The following CDK19 variants were observed in gnomAD, a reference collection of about 807,000 sequenced individuals.
CDK19 encodes the protein cyclin-dependent kinase 19.
CDK19 carries 20 observed loss-of-function variants against 68.3 expected under a neutral mutation model. The observed-to-expected ratio is 0.29, with a 90% CI of 0.21 to 0.43. The LOEUF (loss-of-function observed/expected upper bound fraction) is 0.43, where lower values mean the gene tolerates loss of function less well. Among genes scored for constraint, CDK19 ranks in the 20% least tolerant of loss-of-function variants. The pLI, the probability that CDK19 is intolerant of heterozygous loss-of-function variation, is 1.00. For missense variants in CDK19, 339 were observed against 623.5 expected, an observed-to-expected ratio of 0.54 and a Z score of 4.86; for synonymous variants, 221 against 222.8, an observed-to-expected ratio of 0.99 and a Z score of 0.07.
At chr6:110,632,878 T>C (rs1165415693) in intron 5 of CDK19, among the ~76,000 whole-genome samples, 1 of 152,166 alleles carries the variant, frequency 6.6e-6, no homozygotes, top group African/African-American at 2.4e-5. Context: ...TCTAAAATAG[T>C]TCAAAAGTAT....
chr6:110,663,600 T>C (rs1368934773), intron 4 of CDK19, among the ~76,000 whole-genome samples: 1 of 152,202 alleles, frequency 6.6e-6, no homozygotes, highest in African/African-American at 2.4e-5. Flanking sequence ...GGCACAATCG[T>C]GGCTCACTGC....
At chr6:110,655,505 T>C (rs1781256386) in intron 4 of CDK19, among the ~76,000 whole-genome samples, 1 of 152,176 alleles carries the variant, frequency 6.6e-6, no homozygotes, top group African/African-American at 2.4e-5. Flanking sequence ...AAACTCAACT[T>C]GTCCAAACTA....
At chr6:110,692,664 G>T (rs1460982990) in intron 2 of CDK19, among the ~76,000 whole-genome samples, 2 of 152,110 alleles carry the variant, frequency 1.3e-5, no homozygotes. Context: ...TTGCAAAAAG[G>T]TCATCATAAA....
At chr6:110,798,917 C>G (rs954714522) in intron 1 of CDK19, among the ~76,000 whole-genome samples, 1 of 151,438 alleles carries the variant, frequency 6.6e-6, no homozygotes, top group Non-Finnish European at 1.5e-5. Context: ...CTCAGGCAGG[C>G]AGATCACCTG....
intron 2 of CDK19, among the ~76,000 whole-genome samples, chr6:110,687,236 G>A (rs1438745031): frequency 6.6e-6 from 1 of 152,040 alleles, no homozygotes; most frequent in East Asian, 1.9e-4. Flanking sequence ...CACTTTTCAG[G>A]ACATTGGGCA....
chr6:110,775,564 A>G (rs987008715), intron 1 of CDK19, among the ~76,000 whole-genome samples: 1 of 152,190 alleles, frequency 6.6e-6, no homozygotes. Context: ...AAAAATAATC[A>G]TGAAATATGA....
At chr6:110,633,168 G>A (rs533780051) in intron 5 of CDK19, among the ~76,000 whole-genome samples, 27 of 152,080 alleles carry the variant, frequency 1.8e-4, no homozygotes, top group Admixed American at 9.2e-4. Flanking sequence ...GCAGTGAGCC[G>A]AGTTCGTGCC....
At chr6:110,762,019 A>G (rs936161626) in intron 1 of CDK19, among the ~76,000 whole-genome samples, 2 of 152,146 alleles carry the variant, frequency 1.3e-5, no homozygotes, top group Admixed American at 1.3e-4. Context: ...TGCTAATCCA[A>G]TGGAAAAAGA....
At chr6:110,704,625 G>A (rs187205281) in intron 2 of CDK19, among the ~76,000 whole-genome samples, 14 of 151,900 alleles carry the variant, frequency 9.2e-5, no homozygotes, top group African/African-American at 3.1e-4. Context: ...TTAACTATTT[G>A]GTAAAGTGTA....
chr6:110,665,653 T>A (rs1023462491), intron 4 of CDK19, among the ~76,000 whole-genome samples: 20 of 152,238 alleles, frequency 1.3e-4, no homozygotes, highest in African/African-American at 4.8e-4. Context: ...ATAACCTGCA[T>A]AAGTTTCATT....
At chr6:110,708,159 G>A (rs1426659826) in intron 2 of CDK19, among the ~76,000 whole-genome samples, 3 of 152,148 alleles carry the variant, frequency 2.0e-5, no homozygotes, top group Non-Finnish European at 4.4e-5. Context: ...CATTTCAAGT[G>A]TTCAAAAGCC....
At position 110,815,241 on chromosome 6, in the gene CDK19, TCGCGCGCGCG is replaced by T. The variant is rs769553849; in HGVS notation, c.-115_-106del. On this transcript the variant is annotated 5_prime_UTR_variant, in exon 1 of 13. Coordinates refer to ENST00000368911, the MANE Select transcript of CDK19 (RefSeq NM_015076.5). ...GCTCCACTTCTCCAACAGCCGCCTCTCGCGCGCGCGCGCGCGCCGCCCGCCGCCCGCCGCT... is the reference window on the plus strand; with the variant it reads ...GCTCCACTTCTCCAACAGCCGCCTCTCGCGCGCCGCCCGCCGCCCGCCGCT... 3.5e-6 allele frequency: 4 copies of T among 1,130,314 alleles called. No individual in the cohort carries two copies. The highest frequency in any genetic ancestry group is 1.1e-6 in the Non-Finnish European group (1 of 901,400). The allele number at this position is 1,130,314 out of a possible 1,614,324, so 70.0% of individuals were successfully genotyped here. A position where few individuals can be genotyped will look rare whatever the true frequency, so the allele number is the denominator to read the frequency against.
chr6:110,662,008 T>A (rs1201061484), intron 4 of CDK19, among the ~76,000 whole-genome samples: 2 of 152,140 alleles, frequency 1.3e-5, no homozygotes, highest in Admixed American at 6.5e-5. Flanking sequence ...CTCGCTCTAT[T>A]GCCTAGGCTG....
chr6:110,660,130 C>G (rs964774705), intron 4 of CDK19, among the ~76,000 whole-genome samples: 3 of 152,158 alleles, frequency 2.0e-5, no homozygotes, highest in African/African-American at 7.2e-5. Flanking sequence ...TCACAGCTAG[C>G]CCCAAATATC....
At chr6:110,681,947 A>C (rs2114520865) in intron 2 of CDK19, among the ~76,000 whole-genome samples, 1 of 152,328 alleles carries the variant, frequency 6.6e-6, no homozygotes, top group African/African-American at 2.4e-5. Context: ...ATGTAAAATA[A>C]TCTACAGTTA....
At chr6:110,771,289 G>T (rs1780001131) in intron 1 of CDK19, among the ~76,000 whole-genome samples, 1 of 152,210 alleles carries the variant, frequency 6.6e-6, no homozygotes, top group South Asian at 2.1e-4. Context: ...CTGAAATCTA[G>T]ATGGAGGTTC....
At chr6:110,746,010 AAACT>A (rs1354949069) in intron 2 of CDK19, 112 bp downstream of exon 2, 4 of 483,364 alleles carry the variant, frequency 8.3e-6, no homozygotes, top group Non-Finnish European at 1.1e-5. Flanking sequence ...AAATATTCTT[AAACT>A]AACATATGTA....
chr6:110,781,878 C>T (rs957509237), intron 1 of CDK19, among the ~76,000 whole-genome samples: 7 of 151,818 alleles, frequency 4.6e-5, no homozygotes, highest in Non-Finnish European at 1.0e-4. Flanking sequence ...ATACAATCAG[C>T]TCTTACTTTA....
chr6:110,747,556 AAT>A (rs757999244), intron 1 of CDK19, among the ~76,000 whole-genome samples: 1 of 152,192 alleles, frequency 6.6e-6, no homozygotes, highest in Non-Finnish European at 1.5e-5. Context: ...TACATCTACA[AAT>A]ATGTTGAAGG....
Sources: allele counts gnomAD v4.1 joint callset (sites outside exome capture counted in the v4.1 genomes callset), GRCh38; gene constraint gnomAD v4.1.1; transcripts MANE v1.5; gene names NCBI Gene and HGNC (gene_info 2026-07-23, HGNC 2026-07-21).